PNKP: variants seen among roughly 807,000 people sequenced by gnomAD.
The protein encoded by PNKP is polynucleotide kinase 3'-phosphatase.
PNKP carries 82 observed loss-of-function variants against 66.2 expected under a neutral mutation model. The observed-to-expected ratio is 1.24, with a 90% CI of 1.04 to 1.49. The LOEUF (loss-of-function observed/expected upper bound fraction) is 1.49, where lower values mean the gene tolerates loss of function less well. Among genes scored for constraint, PNKP ranks in the 40% most tolerant of loss-of-function variants. The pLI is 0.00. For synonymous variants in PNKP, 412 were observed against 298.9 expected (o/e 1.38, Z -3.90); for missense variants, 907 against 706.8 (o/e 1.28, Z -3.21).
In PNKP at chr19:49,864,220, T is replaced by C. The variant is rs2122335416; in HGVS notation, c.595A>G (p.Ile199Val). The change falls in exon 6 of 17, where the codon ATT becomes GTT. Residue 199 changes from isoleucine (I) to valine (V), a missense_variant. Coordinates refer to ENST00000322344, the MANE Select transcript of PNKP (RefSeq NM_007254.4). ...PSDWRILYPE[I>V]PRKLRELEAE... ...TCCAGCTCTCGGAGCTTACGGGGAA[T>C]CTCTGGGTACAAGATCCTACGGCAG... 2 of 1,614,102 alleles carry C rather than the reference T, an allele frequency of 1.2e-6. No homozygotes were observed. Among genetic ancestry groups the C allele is most frequent in the East Asian group, 2.2e-5 (1 of 44,882 alleles).
chr19:49,864,226 G>T lies in PNKP; in HGVS notation c.589C>A (p.Pro197Thr), dbSNP rs201968000. The change falls in exon 6 of 17, where the codon CCA becomes ACA. Residue 197 changes from proline to threonine, a missense_variant. Coordinates refer to ENST00000322344, the MANE Select transcript of PNKP (RefSeq NM_007254.4). ...TGPSDWRILY[P>T]EIPRKLRELE... Reference sequence around the variant, plus strand: ...TCTCGGAGCTTACGGGGAATCTCTGGGTACAAGATCCTACGGCAGGTATGA... The same window carrying T: ...TCTCGGAGCTTACGGGGAATCTCTGTGTACAAGATCCTACGGCAGGTATGA... The T allele has an allele frequency of 1.2e-5, 20 of 1,614,166 alleles. No homozygotes were observed. In the Middle Eastern group the frequency reaches 4.9e-4, roughly 40 times the overall value.
intron 3 of PNKP, 173 bp from the exon 4 acceptor site, chr19:49,865,599 ATCTTTT>A: frequency 2.0e-6 from 1 of 508,354 alleles, no homozygotes; most frequent in East Asian, 3.3e-5. Context: ...CCTTGTCCGA[ATCTTTT>A]TTTTTTTTTT....
At chr19:49,866,488 G>C in intron 2 of PNKP, 43 bp from the exon 3 acceptor site, 2 of 1,595,746 alleles carry the variant, frequency 1.3e-6, no homozygotes, top group Non-Finnish European at 1.7e-6. Flanking sequence ...ATCCTTGTGT[G>C]ATTGGGTCCC....
Position 49,861,770 on chromosome 19 carries a change from A to ACCTGGCG in PNKP, c.1293_1298+1dup, listed in dbSNP as rs1064796214. On this transcript the variant is annotated splice_donor_variant, in intron 14 of 16. Transcript: ENST00000322344. LOFTEE classifies it high-confidence loss of function. Reference sequence around the variant, plus strand: ...CCACCTACGGCCCCGCGGTCACGCTACCTGGCGCGGCTCGCGGCGTCTGGG... The same window carrying ACCTGGCG: ...CCACCTACGGCCCCGCGGTCACGCTACCTGGCGCCTGGCGCGGCTCGCGGCGTCTGGG... The ACCTGGCG allele has an allele frequency of 1.9e-6, 3 of 1,569,054 alleles. No individual in the cohort carries two copies. Among genetic ancestry groups the ACCTGGCG allele is most frequent in the Non-Finnish European group, 2.6e-6 (3 of 1,158,000 alleles).
chr19:49,867,133 C>T lies in PNKP; in HGVS notation c.72G>A (p.Leu24=). 2 of 1,613,184 alleles carry T rather than the reference C, an allele frequency of 1.2e-6. No individual in the cohort carries two copies. Among genetic ancestry groups the T allele is most frequent in the South Asian group, 2.2e-5 (2 of 91,088 alleles). Residue 24 remains leucine (L), a synonymous_variant, in exon 2 of 17, where the codon CTG becomes CTA. Transcript: ENST00000322344. ...SPPGGAPPIF[L]PSDGQALVLG... The stretch of plus-strand genomic sequence containing the variant: ...GGACCAGGGCTTGCCCGTCCGAGGG[C>T]AGGAAGATGGGGGGCGCTCCCCCAG...
At chr19:49,864,540 G>C in intron 4 of PNKP, 137 bp from the exon 5 acceptor site, 1 of 748,316 alleles carries the variant, frequency 1.3e-6, no homozygotes, top group Non-Finnish European at 2.4e-6. Context: ...GAGTCACAGA[G>C]CACCTCCATC....
rs754230279 is a variant in PNKP at position 49,867,221 on chromosome 19, G to A, written c.-13-4C>T. 6.2e-7 allele frequency: 1 copy of A among 1,606,162 alleles called. No homozygotes were observed. The highest frequency in any genetic ancestry group is 1.3e-5 in the African/African-American group (1 of 74,824). ...CTCGCCCATCCTGGGTGCCGGCCTG[G>A]GGAGCAGGTAAACGGGCTTGAGCGG... On this transcript the variant is annotated splice_polypyrimidine_tract_variant and splice_region_variant and intron_variant, in intron 1 of 16. Transcript: ENST00000322344.
rs1205197958 is a variant in PNKP, at chr19:49,867,156, C to T, written c.49G>A (p.Gly17Arg). 5 of 1,611,676 alleles carry T rather than the reference C, an allele frequency of 3.1e-6. No homozygotes were observed. The highest frequency in any genetic ancestry group is 3.4e-6 in the Non-Finnish European group (4 of 1,179,514). ...PGRLWLESPP[G>R]GAPPIFLPSD... is the part of the protein sequence containing the mutation. ...GGCAGGAAGATGGGGGGCGCTCCCC[C>T]AGGGGGGCTCTCGAGCCACAAGCGG... The change falls in exon 2 of 17, where the codon GGG becomes AGG. Residue 17 changes from glycine to arginine, a missense_variant. Gly to Arg is a moderately radical substitution (Grantham distance 125). Coordinates refer to ENST00000322344, the MANE Select transcript of PNKP (RefSeq NM_007254.4).
At chr19:49,866,862 T>TC in intron 2 of PNKP, 192 bp downstream of exon 2, 1 of 653,630 alleles carries the variant, frequency 1.5e-6, no homozygotes, top group South Asian at 1.8e-5. Flanking sequence ...ATCGGCTCGA[T>TC]CCCCTCTCCC....
Position 49,861,798 on chromosome 19 carries a change from T to TG in PNKP, c.1271dup (p.Asn425LysfsTer69). 6.4e-7 allele frequency: 1 copy of TG among 1,572,904 alleles called. No individual in the cohort carries two copies. Among genetic ancestry groups the TG allele is most frequent in the Non-Finnish European group, 8.6e-7 (1 of 1,162,988 alleles). ...TGGCGCGGCTCGCGGCGTCTGGGTTTGTGTTGTCGATGGCGACCCGTTTCC... is the reference window on the plus strand; with the variant it reads ...TGGCGCGGCTCGCGGCGTCTGGGTTTGGTGTTGTCGATGGCGACCCGTTTCC... On this transcript the variant is annotated frameshift_variant, in exon 14 of 17. Coordinates refer to ENST00000322344, the MANE Select transcript of PNKP (RefSeq NM_007254.4). LOFTEE classifies it high-confidence loss of function.
At chr19:49,864,540 G>A in intron 4 of PNKP, 137 bp from the exon 5 acceptor site, 1 of 748,316 alleles carries the variant, frequency 1.3e-6, no homozygotes, top group South Asian at 1.4e-5. Context: ...GAGTCACAGA[G>A]CACCTCCATC....
chr19:49,867,052 A>T lies in PNKP; in HGVS notation c.151+2T>A. The stretch of plus-strand genomic sequence containing the variant: ...ACCCCCTCCAGCTCAGGCCCCGCTC[A>T]CCTTGAGTTCTGGAGCACTTCCGGT... On this transcript the variant is annotated splice_donor_variant, in intron 2 of 16. Transcript: ENST00000322344. LOFTEE classifies it high-confidence loss of function. 1 of 1,613,692 alleles carries T rather than the reference A, an allele frequency of 6.2e-7. No homozygotes were observed. The highest frequency in any genetic ancestry group is 8.5e-7 in the Non-Finnish European group (1 of 1,179,846).
chr19:49,861,318 A>G lies in PNKP; in HGVS notation c.1496T>C (p.Leu499Pro), dbSNP rs774739756. The change falls in exon 17 of 17, where the codon CTG becomes CCG. Residue 499 changes from leucine to proline, a missense_variant. Coordinates refer to ENST00000322344, the MANE Select transcript of PNKP (RefSeq NM_007254.4). ...PTLAEGFSAI[L>P]EIPFRLWVEP... ...CACCCATAGCCGGAACGGGATCTCCAGGATGGCAGAGAAGCCTTCAGCCAG... is the reference window on the plus strand; with the variant it reads ...CACCCATAGCCGGAACGGGATCTCCGGGATGGCAGAGAAGCCTTCAGCCAG... The G allele has an allele frequency of 2.2e-5, 35 of 1,614,150 alleles. No individual in the cohort carries two copies. The highest frequency in any genetic ancestry group is 2.9e-5 in the Non-Finnish European group (34 of 1,180,010).
Position 49,862,694 on chromosome 19 carries a change from C to G in PNKP, c.861G>C (p.Val287=), listed in dbSNP as rs75203375. The change falls in exon 9 of 17, where the codon GTG becomes GTC. Residue 287 remains valine, a synonymous_variant. Coordinates refer to ENST00000322344, the MANE Select transcript of PNKP (RefSeq NM_007254.4). ...CAGCAGCCTCCAGGCCCTTACCTCC[C>G]ACAAAGATGCTGTCCCCGATGGATA... ...TPISIGDSIF[V]GDAAGRPANW... is the part of the protein sequence containing the mutation. 4.3e-5 allele frequency: 69 copies of G among 1,614,152 alleles called. No homozygotes were observed. The East Asian group carries it at 1.3e-3, about 30-fold the overall frequency.
Position 49,861,338 on chromosome 19 carries a change from A to T in PNKP, c.1476T>A (p.Ala492=). Residue 492 remains alanine, a synonymous_variant, in exon 17 of 17, where the codon GCT becomes GCA. Coordinates refer to ENST00000322344, the MANE Select transcript of PNKP (RefSeq NM_007254.4). ...TCTCCAGGATGGCAGAGAAGCCTTC[A>T]GCCAGCGTTGGGGCCTCGAACTGCT... is the stretch of plus-strand genomic sequence containing the variant. The part of the protein sequence containing the change: ...YRKQFEAPTL[A]EGFSAILEIP... 6.2e-7 allele frequency: 1 copy of T among 1,614,160 alleles called. No homozygotes were observed. Among genetic ancestry groups the T allele is most frequent in the Non-Finnish European group, 8.5e-7 (1 of 1,180,004 alleles).
chr19:49,861,412 A>C, intron 16 of PNKP, 37 bp downstream of exon 16: 1 of 1,614,050 alleles, frequency 6.2e-7, no homozygotes, highest in Non-Finnish European at 8.5e-7. Context: ...CATGTGGCCC[A>C]GCCAGTGCCC....
chr19:49,861,768 CTACCTGG>C lies in PNKP; in HGVS notation c.1295_1298+3del. On this transcript the variant is annotated splice_donor_variant and splice_donor_region_variant and coding_sequence_variant and intron_variant, in exon 14 of 17. Transcript: ENST00000322344. LOFTEE classifies it high-confidence loss of function. Reference sequence around the variant, plus strand: ...GGCCACCTACGGCCCCGCGGTCACGCTACCTGGCGCGGCTCGCGGCGTCTGGGTTTGT... The same window carrying C: ...GGCCACCTACGGCCCCGCGGTCACGCCGCGGCTCGCGGCGTCTGGGTTTGT... 1.3e-6 allele frequency: 2 copies of C among 1,568,206 alleles called. No individual in the cohort carries two copies. Among genetic ancestry groups the C allele is most frequent in the Non-Finnish European group, 1.7e-6 (2 of 1,157,370 alleles).
chr19:49,865,369 A>G lies in PNKP; in HGVS notation c.256T>C (p.Ser86Pro). 3 of 1,613,396 alleles carry G rather than the reference A, an allele frequency of 1.9e-6. No homozygotes were observed. The highest frequency in any genetic ancestry group is 2.5e-6 in the Non-Finnish European group (3 of 1,179,680). The stretch of plus-strand genomic sequence containing the variant: ...TACAGTGTGTCCCCCACCCCCAGAG[A>G]GCCCTCCAACCCCGGCTTCAACTCC... ...TQELKPGLEG[S>P]LGVGDTLYLV... Residue 86 changes from serine to proline, a missense_variant, in exon 4 of 17, where the codon TCT becomes CCT. Coordinates refer to ENST00000322344, the MANE Select transcript of PNKP (RefSeq NM_007254.4).
chr19:49,862,735 T>TGGCCTACG lies in PNKP; in HGVS notation c.817-5_819dup (p.Asn274ArgfsTer91). 1 of 1,614,076 alleles carries TGGCCTACG rather than the reference T, an allele frequency of 6.2e-7. No homozygotes were observed. Among genetic ancestry groups the TGGCCTACG allele is most frequent in the Non-Finnish European group, 8.5e-7 (1 of 1,179,980 alleles). On this transcript the variant is annotated frameshift_variant, in exon 9 of 17. Coordinates refer to ENST00000322344, the MANE Select transcript of PNKP (RefSeq NM_007254.4). LOFTEE classifies it high-confidence loss of function. ...CCGATGGATATGGGCGTGCCGTCGT[T>TGGCCTACG]GGCCTACGGGAGACGGTAGTGAGGA...
Sources: gnomAD v4.1 joint callset for allele counts on GRCh38, gnomAD v4.1.1 for gene constraint, MANE v1.5 for transcripts, NCBI Gene and HGNC (gene_info 2026-07-23, HGNC 2026-07-21) for gene names.